SPECC1: variants seen among roughly 807,000 people sequenced by gnomAD.
The protein encoded by SPECC1 is cytospin-B.
Under a neutral mutation model 104.1 loss-of-function variants are expected in SPECC1, and 62 were observed. That is an observed-to-expected ratio of 0.60 (90% CI 0.49 to 0.74). The LOEUF (loss-of-function observed/expected upper bound fraction) is 0.74, where lower values mean the gene tolerates loss of function less well. SPECC1 is among the 30% of genes least tolerant of loss of function. The pLI is 0.00. For missense variants in SPECC1, 1,306 were observed against 1,310.5 expected (o/e 1.00, Z 0.05); for synonymous variants, 513 against 501.6 (o/e 1.02, Z -0.30).
At chr17:20,061,121 G>C (rs1242064213) in intron 1 of SPECC1, among the ~76,000 whole-genome samples, 1 of 152,186 alleles carries the variant, frequency 6.6e-6, no homozygotes, top group African/African-American at 2.4e-5. Flanking sequence ...ACCCAGGCTG[G>C]AGAGCAGTGG....
chr17:20,226,642 T>G (rs1400984130), intron 4 of SPECC1, among the ~76,000 whole-genome samples: 1 of 152,184 alleles, frequency 6.6e-6, no homozygotes, highest in Non-Finnish European at 1.5e-5. Context: ...GGTGCATGAT[T>G]ATTATTTTTG....
chr17:20,107,352 G>A (rs1567848070), intron 2 of SPECC1, among the ~76,000 whole-genome samples: 2 of 151,298 alleles, frequency 1.3e-5, no homozygotes, highest in East Asian at 2.0e-4. Context: ...GGCTCATACC[G>A]ATAATACCAG....
rs563456205 is a variant in SPECC1, at chr17:20,292,912, A to G, written c.2941-4049A>G. On this transcript the variant is annotated intron_variant, in intron 12 of 14. Transcript: ENST00000395527. ...CTCCTCGCTGGGGAAATGTAACTGC[A>G]AAGCAGACTCCAGGACACTGTCTTC... Among the ~76,000 whole-genome samples, 7 of 152,298 alleles carry G rather than the reference A, an allele frequency of 4.6e-5. No homozygotes were observed. The South Asian group carries it at 1.5e-3, about 32-fold the overall frequency.
chr17:20,289,992 T>C (rs1261576438), intron 12 of SPECC1, among the ~76,000 whole-genome samples: 1 of 152,100 alleles, frequency 6.6e-6, no homozygotes, highest in African/African-American at 2.4e-5. Flanking sequence ...ATTTGGACTT[T>C]TATAATAATT....
intron 6 of SPECC1, 30 bp downstream of exon 6, chr17:20,231,861 A>G: frequency 1.2e-6 from 2 of 1,606,450 alleles, no homozygotes; most frequent in South Asian, 1.1e-5. Flanking sequence ...CTTCACCACC[A>G]TCTTCCTATG....
chr17:20,036,771 C>A (rs1385980407), intron 1 of SPECC1, among the ~76,000 whole-genome samples: 1 of 152,128 alleles, frequency 6.6e-6, no homozygotes, highest in Non-Finnish European at 1.5e-5. Context: ...AGTTTTATTT[C>A]TTCTTTGCCA....
chr17:20,065,237 C>T (rs577936950), intron 1 of SPECC1, among the ~76,000 whole-genome samples: 34 of 152,278 alleles, frequency 2.2e-4, no homozygotes, highest in African/African-American at 6.0e-4. Flanking sequence ...GCTAGGTGTT[C>T]TCCAGTTCAA....
chr17:20,266,452 C>G (rs554019345), intron 12 of SPECC1, among the ~76,000 whole-genome samples: 4 of 152,288 alleles, frequency 2.6e-5, no homozygotes, highest in Admixed American at 2.6e-4. Flanking sequence ...GGCGTGGTGG[C>G]ACGCACCTGT....
At chr17:20,186,419 C>T (rs1456102207) in intron 3 of SPECC1, among the ~76,000 whole-genome samples, 3 of 152,164 alleles carry the variant, frequency 2.0e-5, no homozygotes, top group Non-Finnish European at 2.9e-5. Context: ...GATAGACTTG[C>T]TCGATGCAGG....
intron 3 of SPECC1, among the ~76,000 whole-genome samples, chr17:20,203,535 C>T (rs564872451): frequency 1.3e-5 from 2 of 152,296 alleles, no homozygotes; most frequent in East Asian, 1.9e-4. Flanking sequence ...TCTTGTTTCT[C>T]CATGTACACA....
intron 3 of SPECC1, among the ~76,000 whole-genome samples, chr17:20,195,904 C>G (rs1320899233): frequency 1.3e-5 from 2 of 152,030 alleles, no homozygotes; most frequent in African/African-American, 4.8e-5. Context: ...TCTAAGAAAC[C>G]AATTTTAATT....
chr17:20,307,944 C>T (rs560918762), intron 14 of SPECC1, among the ~76,000 whole-genome samples: 1 of 152,196 alleles, frequency 6.6e-6, no homozygotes, highest in Admixed American at 6.5e-5. Flanking sequence ...AAAATTTCTG[C>T]TCACCAGTAA....
chr17:20,189,794 T>C (rs2035537015), intron 3 of SPECC1, among the ~76,000 whole-genome samples: 1 of 152,194 alleles, frequency 6.6e-6, no homozygotes, highest in Admixed American at 6.5e-5. Context: ...TCCAATTTGC[T>C]GAGCAAGTGG....
chr17:20,217,620 C>T (rs1049833209), intron 4 of SPECC1, among the ~76,000 whole-genome samples: 1 of 152,170 alleles, frequency 6.6e-6, no homozygotes, highest in Admixed American at 6.5e-5. Flanking sequence ...CTACAACATG[C>T]AGCCAGGTAG....
intron 12 of SPECC1, among the ~76,000 whole-genome samples, chr17:20,285,110 G>A (rs1044813249): frequency 6.6e-6 from 1 of 152,094 alleles, no homozygotes; most frequent in Non-Finnish European, 1.5e-5. Flanking sequence ...AGTGATTGAT[G>A]TTTTTTACCA....
At chr17:20,118,075 G>A (rs373885949) in intron 3 of SPECC1, among the ~76,000 whole-genome samples, 1 of 151,440 alleles carries the variant, frequency 6.6e-6, no homozygotes, top group South Asian at 2.1e-4. Context: ...ACTGCACTCC[G>A]GCCTGGGCAA....
intron 2 of SPECC1, among the ~76,000 whole-genome samples, chr17:20,108,234 GAA>G (rs1245519078): frequency 7.2e-6 from 1 of 139,678 alleles, no homozygotes; most frequent in Non-Finnish European, 1.6e-5. Flanking sequence ...CAAAAAAAAG[GAA>G]AAAAAAAAAA....
intron 11 of SPECC1, among the ~76,000 whole-genome samples, chr17:20,259,119 A>G (rs1396907868): frequency 6.6e-6 from 1 of 152,268 alleles, no homozygotes; most frequent in Non-Finnish European, 1.5e-5. Context: ...AGAAGGATTT[A>G]TAAAAGTCTG....
chr17:20,243,221 A>G (rs1346174898), intron 7 of SPECC1, among the ~76,000 whole-genome samples: 1 of 152,260 alleles, frequency 6.6e-6, no homozygotes. Flanking sequence ...TAGAGGCAGT[A>G]GCAAGCCTTG....
Sources: allele counts gnomAD v4.1 joint callset (sites outside exome capture counted in the v4.1 genomes callset), GRCh38; gene constraint gnomAD v4.1.1; transcripts MANE v1.5; gene names NCBI Gene and HGNC (gene_info 2026-07-23, HGNC 2026-07-21).